PTPN13: variants seen among roughly 807,000 people sequenced by gnomAD.
PTPN13 encodes protein tyrosine phosphatase non-receptor type 13.
PTPN13 carries 191 observed loss-of-function variants against 284.0 expected under a neutral mutation model. The observed-to-expected ratio is 0.67, with a 90% CI of 0.60 to 0.76. The LOEUF is 0.76. Among genes scored for constraint, PTPN13 ranks in the 30% least tolerant of loss-of-function variants. PTPN13 has a pLI of 0.00. For missense variants in PTPN13, 2,797 were observed against 2,939.9 expected (o/e 0.95, Z 1.12); for synonymous variants, 986 against 1,022.3 (o/e 0.96, Z 0.68).
In PTPN13 at chr4:86,732,365, G is replaced by T. The variant is rs776519594; in HGVS notation, c.1609-35G>T. 4.8e-6 allele frequency: 7 copies of T among 1,464,026 alleles called. No homozygotes were observed. The South Asian group carries it at 9.2e-5, about 19-fold the overall frequency. 90.7% of individuals were successfully genotyped at this position (1,464,026 alleles called of 1,614,324 possible). On this transcript the variant is annotated intron_variant, in intron 10 of 47. Coordinates refer to ENST00000411767, the MANE Select transcript of PTPN13 (RefSeq NM_080683.3). ...TTCAAGGAAAAAACTAGAATAAATAGTAAAAAATATTGATTCTGCTTATGT... is the reference window on the plus strand; with the variant it reads ...TTCAAGGAAAAAACTAGAATAAATATTAAAAAATATTGATTCTGCTTATGT...
Position 86,807,790 on chromosome 4 carries a change from A to G in PTPN13, c.6976A>G (p.Ile2326Val). 1 of 1,614,052 alleles carries G rather than the reference A, an allele frequency of 6.2e-7. No homozygotes were observed. Among genetic ancestry groups the G allele is most frequent in the Non-Finnish European group, 8.5e-7 (1 of 1,179,890 alleles). ...CAAATGCCAGCGCTATTGGCCCAAC[A>G]TCCTAGGCAAAACAACAATGGTCAG... is the stretch of plus-strand genomic sequence containing the variant. The part of the protein sequence containing the change: ...KIKCQRYWPN[I>V]LGKTTMVSNR... Residue 2326 changes from isoleucine to valine, a missense_variant, in exon 45 of 48, where the codon ATC becomes GTC. Ile to Val is a conservative substitution (Grantham distance 29). Coordinates refer to ENST00000411767, the MANE Select transcript of PTPN13 (RefSeq NM_080683.3).
intron 2 of PTPN13, 87 bp from the exon 3 acceptor site, chr4:86,672,278 T>G (rs1272059685): frequency 1.8e-5 from 20 of 1,120,362 alleles, no homozygotes; most frequent in Non-Finnish European, 2.5e-5. Flanking sequence ...CATTATCCAT[T>G]GAAGTGATTG....
intron 24 of PTPN13, among the ~76,000 whole-genome samples, chr4:86,764,221 A>G (rs1196249888): frequency 6.6e-6 from 1 of 152,206 alleles, no homozygotes; most frequent in Non-Finnish European, 1.5e-5. Context: ...GCATTGGACC[A>G]GGATTATATA....
chr4:86,799,294 T>A, intron 42 of PTPN13, 90 bp downstream of exon 42: 1 of 799,844 alleles, frequency 1.3e-6, no homozygotes, highest in Non-Finnish European at 1.9e-6. Flanking sequence ...ATATGCTGTT[T>A]TACCATATGT....
At chr4:86,805,479 T>TAC in intron 44 of PTPN13, 110 bp downstream of exon 44, 1 of 516,586 alleles carries the variant, frequency 1.9e-6, no homozygotes, top group Non-Finnish European at 3.4e-6. Context: ...TGCATGTGCA[T>TAC]ACATTCACAG....
intron 27 of PTPN13, 64 bp downstream of exon 27, chr4:86,766,581 A>G: frequency 3.5e-6 from 4 of 1,152,498 alleles, no homozygotes; most frequent in Non-Finnish European, 4.8e-6. Context: ...TGTGAATAAC[A>G]TCAGTTCTCA....
chr4:86,770,169 T>C lies in PTPN13; in HGVS notation c.4773T>C (p.Gly1591=), dbSNP rs1190801765. The C allele has an allele frequency of 3.7e-6, 6 of 1,613,698 alleles. No homozygotes were observed. The highest frequency in any genetic ancestry group is 4.5e-5 in the East Asian group (2 of 44,892). ...VFLLLCRPPP[G]VLPEIDTALL... ...TGCTTCTCTGCAGACCTCCACCTGG[T>C]GTGCTACCGGAAATTGATACTGCGC... is the stretch of plus-strand genomic sequence containing the variant. The change falls in exon 30 of 48, where the codon GGT becomes GGC. Residue 1591 remains glycine, a synonymous_variant. Coordinates refer to ENST00000411767, the MANE Select transcript of PTPN13 (RefSeq NM_080683.3).
chr4:86,749,644 G>A (rs1184257749), intron 17 of PTPN13, among the ~76,000 whole-genome samples: 1 of 152,158 alleles, frequency 6.6e-6, no homozygotes. Flanking sequence ...TTGTTATAAA[G>A]TATCTGTAAA....
intron 1 of PTPN13, among the ~76,000 whole-genome samples, chr4:86,614,895 T>G (rs1015961272): frequency 8.5e-5 from 13 of 152,154 alleles, no homozygotes; most frequent in African/African-American, 3.1e-4. Flanking sequence ...CCTGGTTGTA[T>G]TATAATTGTA....
chr4:86,631,044 A>T (rs1332227541), intron 1 of PTPN13, among the ~76,000 whole-genome samples: 1 of 152,142 alleles, frequency 6.6e-6, no homozygotes, highest in Non-Finnish European at 1.5e-5. Flanking sequence ...AAAACTTTCT[A>T]GTTATCATGC....
intron 10 of PTPN13, among the ~76,000 whole-genome samples, 159 bp downstream of exon 10, chr4:86,722,593 G>A (rs67867077): frequency 0.15 from 22,607 of 151,884 alleles, 2,085 homozygotes; most frequent in East Asian, 0.27. Context: ...TATCTTTTTG[G>A]TTGATTTTAA....
In PTPN13 at chr4:86,762,838, G is replaced by A; in HGVS notation, c.3665G>A (p.Arg1222His). The A allele has an allele frequency of 6.2e-6, 10 of 1,613,794 alleles. No individual in the cohort carries two copies. Among genetic ancestry groups the A allele is most frequent in the South Asian group, 2.2e-5 (2 of 91,060 alleles). ...TCTTCCAAGGATCACCACTGGTCAC[G>A]TGGTACCCTGAGGCACATCTCGGAG... ...DSSSKDHHWS[R>H]GTLRHISENS... The change falls in exon 24 of 48, where the codon CGT (arginine) becomes CAT (histidine). Residue 1222 changes from arginine to histidine, a missense_variant. Arg to His is a conservative substitution (Grantham distance 29, BLOSUM62 0). Coordinates refer to ENST00000411767, the MANE Select transcript of PTPN13 (RefSeq NM_080683.3).
At chr4:86,762,617 G>A (rs1404779032) in intron 23 of PTPN13, 110 bp from the exon 24 acceptor site, 1 of 847,744 alleles carries the variant, frequency 1.2e-6, no homozygotes, top group Non-Finnish European at 1.9e-6. Flanking sequence ...ATGGTGTTTT[G>A]TGTGTCATCC....
chr4:86,632,999 T>G (rs1287805367), intron 1 of PTPN13, among the ~76,000 whole-genome samples: 1 of 151,804 alleles, frequency 6.6e-6, no homozygotes, highest in Non-Finnish European at 1.5e-5. Context: ...GAGATGAGGG[T>G]CTCCCCATGT....
At chr4:86,813,440 G>GGTTTGTTT (rs892515011) in intron 47 of PTPN13, among the ~76,000 whole-genome samples, 7 of 152,018 alleles carry the variant, frequency 4.6e-5, no homozygotes, top group African/African-American at 1.7e-4. Context: ...CTTATTTTTT[G>GGTTTGTTT]GTTTGTTTGT....
At chr4:86,793,131 G>A (rs779557406) in intron 40 of PTPN13, among the ~76,000 whole-genome samples, 5 of 152,072 alleles carry the variant, frequency 3.3e-5, no homozygotes, top group Admixed American at 6.6e-5. Flanking sequence ...GTGCAATGAC[G>A]TGCATAGGCT....
intron 2 of PTPN13, among the ~76,000 whole-genome samples, chr4:86,661,712 AT>A (rs751116637): frequency 3.3e-5 from 5 of 152,340 alleles, no homozygotes; most frequent in Admixed American, 2.0e-4. Flanking sequence ...GCAAAGATAT[AT>A]GTATTTTCCT....
At chr4:86,680,395 ATCTATCTC>A (rs763925070) in intron 3 of PTPN13, among the ~76,000 whole-genome samples, 3 of 135,310 alleles carry the variant, frequency 2.2e-5, no homozygotes, top group Non-Finnish European at 4.8e-5. Flanking sequence ...CTATCTATCT[ATCTATCTC>A]TATCTCTATC....
chr4:86,602,527 T>C (rs1185228554), intron 1 of PTPN13, among the ~76,000 whole-genome samples: 16 of 152,068 alleles, frequency 1.1e-4, no homozygotes, highest in Admixed American at 1.0e-3. Flanking sequence ...TTAAATATGG[T>C]TTCTTGTTTC....
Sources: allele counts gnomAD v4.1 joint callset (sites outside exome capture counted in the v4.1 genomes callset), GRCh38; gene constraint gnomAD v4.1.1; transcripts MANE v1.5; gene names NCBI Gene and HGNC (gene_info 2026-07-23, HGNC 2026-07-21).